PELI2: variants seen among roughly 807,000 people sequenced by gnomAD.
PELI2 encodes the protein E3 ubiquitin-protein ligase pellino homolog 2.
A neutral mutation model predicts 42.3 loss-of-function variants in PELI2; 23 were observed. That is an observed-to-expected ratio of 0.54 (90% CI 0.39 to 0.77). The LOEUF (loss-of-function observed/expected upper bound fraction) is 0.77. Among genes scored for constraint, PELI2 ranks in the 30% least tolerant of loss-of-function variants. PELI2 has a pLI of 0.00. For missense variants in PELI2, 463 were observed against 553.2 expected, an observed-to-expected ratio of 0.84 and a Z score of 1.64; for synonymous variants, 245 against 212.2, an observed-to-expected ratio of 1.15 and a Z score of -1.34.
chr14:56,244,200 T>C (rs1036314936), intron 2 of PELI2, among the ~76,000 whole-genome samples: 1 of 152,226 alleles, frequency 6.6e-6, no homozygotes, highest in Non-Finnish European at 1.5e-5. Context: ...AAAGTAGATT[T>C]GCTGAGAAGT....
At chr14:56,186,181 G>A (rs1885762981) in intron 2 of PELI2, among the ~76,000 whole-genome samples, 1 of 152,160 alleles carries the variant, frequency 6.6e-6, no homozygotes, top group African/African-American at 2.4e-5. Flanking sequence ...GCTGCTTCTG[G>A]ATCTGAAGAA....
intron 3 of PELI2, among the ~76,000 whole-genome samples, chr14:56,280,685 A>G (rs997790600): frequency 6.6e-6 from 1 of 152,172 alleles, no homozygotes; most frequent in Admixed American, 6.6e-5. Context: ...AGTTCTAGAA[A>G]AAAACTTAGG....
chr14:56,143,738 G>A (rs917351689), intron 1 of PELI2, among the ~76,000 whole-genome samples: 1 of 152,228 alleles, frequency 6.6e-6, no homozygotes, highest in African/African-American at 2.4e-5. Flanking sequence ...CCATTGTTGA[G>A]TTTCAGCATG....
intron 1 of PELI2, among the ~76,000 whole-genome samples, chr14:56,173,355 C>T (rs1334963070): frequency 6.6e-6 from 1 of 152,108 alleles, no homozygotes; most frequent in Non-Finnish European, 1.5e-5. Flanking sequence ...GCTTATTGAA[C>T]CAGACTCTCT....
chr14:56,119,223 C>T (rs1488155784), intron 1 of PELI2: 1 of 152,018 alleles, frequency 6.6e-6, no homozygotes, highest in East Asian at 1.9e-4. Flanking sequence ...ACCCGCGCCC[C>T]CGAACTCCGA....
chr14:56,224,108 A>C (rs1887254358), intron 2 of PELI2, among the ~76,000 whole-genome samples: 1 of 152,368 alleles, frequency 6.6e-6, no homozygotes, highest in South Asian at 2.1e-4. Context: ...GTGTATATAT[A>C]CTTTTAAAAG....
chr14:56,193,447 A>G (rs529064421), intron 2 of PELI2, among the ~76,000 whole-genome samples: 2 of 152,302 alleles, frequency 1.3e-5, no homozygotes, highest in East Asian at 1.9e-4. Context: ...GAAGTTGGGG[A>G]GGGAAGGGCC....
At chr14:56,246,787 C>G (rs1034344967) in intron 2 of PELI2, among the ~76,000 whole-genome samples, 1 of 152,150 alleles carries the variant, frequency 6.6e-6, no homozygotes, top group African/African-American at 2.4e-5. Context: ...AGCGCTGTGT[C>G]TCCTATCCCA....
At chr14:56,291,394 A>C (rs1462190614) in intron 5 of PELI2, among the ~76,000 whole-genome samples, 3 of 152,202 alleles carry the variant, frequency 2.0e-5, no homozygotes, top group Admixed American at 2.0e-4. Context: ...GCTGTTCTCT[A>C]CTGGATGTTT....
chr14:56,264,208 A>G (rs1259534567), intron 2 of PELI2, among the ~76,000 whole-genome samples: 1 of 152,114 alleles, frequency 6.6e-6, no homozygotes, highest in South Asian at 2.1e-4. Context: ...TGTTCTTTGC[A>G]TGGTATATTT....
chr14:56,234,550 A>G (rs146526200), intron 2 of PELI2, among the ~76,000 whole-genome samples: 48 of 152,286 alleles, frequency 3.2e-4, no homozygotes, highest in African/African-American at 1.1e-3. Context: ...GAATTGAACA[A>G]TGAGAACACT....
At chr14:56,138,518 C>A (rs988492844) in intron 1 of PELI2, among the ~76,000 whole-genome samples, 3 of 151,530 alleles carry the variant, frequency 2.0e-5, no homozygotes, top group Non-Finnish European at 4.4e-5. Context: ...CAGTATCTAC[C>A]TTTATTAGAC....
At chr14:56,195,274 C>A (rs570714474) in intron 2 of PELI2, among the ~76,000 whole-genome samples, 1 of 152,160 alleles carries the variant, frequency 6.6e-6, no homozygotes, top group Non-Finnish European at 1.5e-5. Flanking sequence ...CAGTCTCTAC[C>A]CTGTTTACTT....
At chr14:56,129,573 T>A (rs1883404274) in intron 1 of PELI2, among the ~76,000 whole-genome samples, 1 of 152,184 alleles carries the variant, frequency 6.6e-6, no homozygotes, top group Non-Finnish European at 1.5e-5. Flanking sequence ...CCTGAGTGCT[T>A]TGTCCCCCAA....
At chr14:56,118,910 G>A (rs1226180204) in intron 1 of PELI2, among the ~76,000 whole-genome samples, 173 bp downstream of exon 1, 7 of 150,504 alleles carry the variant, frequency 4.7e-5, no homozygotes, top group Non-Finnish European at 8.9e-5. Flanking sequence ...GCGCCCCATC[G>A]GCGCGCGCTC....
At chr14:56,188,481 A>C (rs575232941) in intron 2 of PELI2, among the ~76,000 whole-genome samples, 1 of 152,350 alleles carries the variant, frequency 6.6e-6, no homozygotes, top group South Asian at 2.1e-4. Flanking sequence ...TCCCTGTATC[A>C]TAAAATGACC....
Position 56,275,160 on chromosome 14 carries a change from G to A in PELI2, c.208-4516G>A, listed in dbSNP as rs139959729. ...GGTGGAAAAATAAATAAGACTGAACGTGTGTTCGAGGCACATGCAGTGTTA... is the reference window on the plus strand; with the variant it reads ...GGTGGAAAAATAAATAAGACTGAACATGTGTTCGAGGCACATGCAGTGTTA... On this transcript the variant is annotated intron_variant, in intron 2 of 5. Coordinates refer to ENST00000267460, the MANE Select transcript of PELI2 (RefSeq NM_021255.3). 1.0e-3 allele frequency among the ~76,000 whole-genome samples: 157 copies of A among 152,242 alleles called. 2 individuals carry two copies. The highest frequency in any genetic ancestry group is 3.4e-3 in the Middle Eastern group (1 of 294).
intron 2 of PELI2, among the ~76,000 whole-genome samples, chr14:56,210,633 C>T (rs1336737306): frequency 6.6e-6 from 1 of 151,946 alleles, no homozygotes; most frequent in East Asian, 1.9e-4. Flanking sequence ...CAGAAAATGC[C>T]CTTGGGAATA....
intron 2 of PELI2, among the ~76,000 whole-genome samples, chr14:56,186,431 T>C (rs1050760321): frequency 5.3e-5 from 8 of 152,260 alleles, no homozygotes; most frequent in Admixed American, 5.2e-4. Flanking sequence ...CCTGCTGAAC[T>C]TCTGGCAAAC....
Sources: gnomAD v4.1 joint callset for allele counts (sites outside exome capture counted in the v4.1 genomes callset) on GRCh38, gnomAD v4.1.1 for gene constraint, MANE v1.5 for transcripts, NCBI Gene and HGNC (gene_info 2026-07-23, HGNC 2026-07-21) for gene names.